SRPK2: variants seen among roughly 807,000 people sequenced by gnomAD.
SRPK2 encodes SFRS protein kinase 2.
SRPK2 carries 21 observed loss-of-function variants against 90.8 expected under a neutral mutation model. The ratio of observed to expected loss-of-function variants is 0.23; its 90% CI spans 0.16 to 0.33. SRPK2 has a LOEUF of 0.33. SRPK2 is among the 10% of genes least tolerant of loss of function. SRPK2 has a pLI of 1.00. For synonymous variants in SRPK2, 288 were observed against 311.1 expected (o/e 0.93, Z 0.78); for missense variants, 620 against 869.0 (o/e 0.71, Z 3.60).
chr7:105,341,905 T>C (rs1223799235), intron 2 of SRPK2, among the ~76,000 whole-genome samples: 2 of 151,384 alleles, frequency 1.3e-5, no homozygotes, highest in Non-Finnish European at 2.9e-5. Flanking sequence ...AGACAGAGGT[T>C]GTAGTGAGCC....
intron 7 of SRPK2, among the ~76,000 whole-genome samples, chr7:105,153,943 A>C (rs1396238222): frequency 6.6e-6 from 1 of 152,232 alleles, no homozygotes; most frequent in Non-Finnish European, 1.5e-5. Flanking sequence ...TCCCTTCCAC[A>C]GTGAAACACA....
intron 6 of SRPK2, among the ~76,000 whole-genome samples, chr7:105,162,306 T>G (rs1807796536): frequency 6.6e-6 from 1 of 152,198 alleles, no homozygotes; most frequent in African/African-American, 2.4e-5. Context: ...TCTCCCAAAG[T>G]GCTGGGATTA....
intron 3 of SRPK2, among the ~76,000 whole-genome samples, chr7:105,198,539 G>A (rs1159266788): frequency 1.3e-5 from 2 of 152,172 alleles, no homozygotes; most frequent in Non-Finnish European, 2.9e-5. Context: ...GATAGGCAGT[G>A]CTGACAGCTC....
chr7:105,384,319 CTCACAGGACAA>C (rs1821289020), intron 2 of SRPK2, among the ~76,000 whole-genome samples: 1 of 152,192 alleles, frequency 6.6e-6, no homozygotes, highest in South Asian at 2.1e-4. Context: ...GCAAACTAAA[CTCACAGGACAA>C]TCTAACAGGA....
intron 2 of SRPK2, among the ~76,000 whole-genome samples, chr7:105,255,082 C>A (rs1185676013): frequency 1.4e-5 from 2 of 140,856 alleles, no homozygotes; most frequent in African/African-American, 5.0e-5. Context: ...CAGCTCAGTG[C>A]CTTATCATCA....
At chr7:105,231,351 T>C (rs1041396680) in intron 2 of SRPK2, among the ~76,000 whole-genome samples, 8 of 152,190 alleles carry the variant, frequency 5.3e-5, no homozygotes, top group Non-Finnish European at 8.8e-5. Context: ...GTCTTTGCTA[T>C]TGTGAACAGT....
intron 3 of SRPK2, among the ~76,000 whole-genome samples, chr7:105,201,200 T>C (rs1465317577): frequency 6.6e-6 from 1 of 152,188 alleles, no homozygotes; most frequent in African/African-American, 2.4e-5. Flanking sequence ...GTCAGTAATC[T>C]TATACAAACT....
chr7:105,364,404 C>CATTTTTTTTT (rs1563290472), intron 2 of SRPK2, among the ~76,000 whole-genome samples: 1 of 116,356 alleles, frequency 8.6e-6, no homozygotes, highest in Non-Finnish European at 1.8e-5. Flanking sequence ...CCGTGTGTAA[C>CATTTTTTTTT]GTTTTTTTTT....
At chr7:105,392,773 C>T (rs1457070669), upstream of SRPK2, among the ~76,000 whole-genome samples, 1 of 151,726 alleles carries the variant, frequency 6.6e-6, no homozygotes, top group African/African-American at 2.4e-5. Context: ...GCTGGGATTA[C>T]AGGTGTGAAC....
chr7:105,122,752 C>A (rs1800571684), intron 15 of SRPK2, among the ~76,000 whole-genome samples: 1 of 152,090 alleles, frequency 6.6e-6, no homozygotes, highest in Non-Finnish European at 1.5e-5. Flanking sequence ...AAGCTTCTTG[C>A]TTTTGAAATT....
chr7:105,224,173 T>C (rs1266751396), intron 2 of SRPK2, among the ~76,000 whole-genome samples: 1 of 152,210 alleles, frequency 6.6e-6, no homozygotes, highest in Non-Finnish European at 1.5e-5. Flanking sequence ...TTTTTAAATA[T>C]TTATATTTTA....
chr7:105,157,727 A>G (rs1035499197), intron 7 of SRPK2, among the ~76,000 whole-genome samples: 4 of 152,206 alleles, frequency 2.6e-5, no homozygotes, highest in African/African-American at 9.7e-5. Context: ...GAAATAATAT[A>G]AGAGCTCTTT....
intron 2 of SRPK2, among the ~76,000 whole-genome samples, chr7:105,385,281 C>T (rs943237845): frequency 2.7e-5 from 4 of 146,982 alleles, no homozygotes; most frequent in Non-Finnish European, 4.5e-5. Context: ...TCCAGGTTCA[C>T]GCCATTCTCT....
upstream of SRPK2, chr7:105,389,332 C>T: frequency 1.6e-6 from 2 of 1,279,528 alleles, no homozygotes; most frequent in Non-Finnish European, 2.0e-6. Flanking sequence ...CCCGCGGCCT[C>T]TTCTCTCCCT....
intron 2 of SRPK2, among the ~76,000 whole-genome samples, chr7:105,378,343 G>GA: frequency 6.6e-6 from 1 of 152,172 alleles, no homozygotes; most frequent in East Asian, 1.9e-4. Context: ...GAAGTCATCT[G>GA]AAAATCTACA....
chr7:105,298,892 ACTCTGTT>A, intron 2 of SRPK2: 1 of 626,070 alleles, frequency 1.6e-6, no homozygotes, highest in East Asian at 1.4e-4. Context: ...AACGCCTCAT[ACTCTGTT>A]CAGCTCAGTT....
chr7:105,363,967 A>G (rs1432868272), intron 2 of SRPK2, among the ~76,000 whole-genome samples: 1 of 140,736 alleles, frequency 7.1e-6, no homozygotes, highest in Non-Finnish European at 1.5e-5. Context: ...TCTCACTCGT[A>G]GGTGGGAGCC....
At chr7:105,137,681 A>T (rs1315087672) in intron 11 of SRPK2, among the ~76,000 whole-genome samples, 1 of 152,148 alleles carries the variant, frequency 6.6e-6, no homozygotes, top group Non-Finnish European at 1.5e-5. Context: ...CCTCTTCTCA[A>T]CCTTCAATGG....
chr7:105,358,349 T>C (rs1480950697), intron 2 of SRPK2, among the ~76,000 whole-genome samples: 1 of 151,600 alleles, frequency 6.6e-6, no homozygotes, highest in Non-Finnish European at 1.5e-5. Flanking sequence ...ATACACAATA[T>C]TCCTACAATA....
Sources: allele counts gnomAD v4.1 joint callset (sites outside exome capture counted in the v4.1 genomes callset), GRCh38; gene constraint gnomAD v4.1.1; transcripts MANE v1.5; gene names NCBI Gene and HGNC (gene_info 2026-07-23, HGNC 2026-07-21).